The following ASIC4 variants were observed in gnomAD, a reference collection of about 807,000 sequenced individuals.
ASIC4 encodes acid-sensing ion channel 4.
A neutral mutation model predicts 53.4 loss-of-function variants in ASIC4; 28 were observed. That is an observed-to-expected ratio of 0.52 (90% CI 0.39 to 0.72). ASIC4 has a LOEUF of 0.72. Ranked by LOEUF, ASIC4 falls within the 30% of genes least tolerant of loss-of-function variation. The probability of loss-of-function intolerance (pLI) is 0.00; values close to 1 mark genes in which losing one functional copy is unlikely to be tolerated. For missense variants in ASIC4, 649 were observed against 729.7 expected (o/e 0.89, Z 1.27); for synonymous variants, 289 against 301.4 (o/e 0.96, Z 0.43).
At chr2:219,512,818 C>G (rs912164710), upstream of ASIC4, among the ~76,000 whole-genome samples, 1 of 152,256 alleles carries the variant, frequency 6.6e-6, no homozygotes, top group Non-Finnish European at 1.5e-5. Flanking sequence ...GCTGTGGGGT[C>G]CCTGGGGAAG....
At chr2:219,508,472 C>G in the ASIC4 span, among the ~76,000 whole-genome samples, 22 of 152,192 alleles carry the variant, frequency 1.4e-4, no homozygotes, top group African/African-American at 5.1e-4. Flanking sequence ...GGGGGTGCCG[C>G]TAGCAAAGCT....
At chr2:219,511,160 A>AG, upstream of ASIC4, among the ~76,000 whole-genome samples, 1 of 152,132 alleles carries the variant, frequency 6.6e-6, no homozygotes, top group Non-Finnish European at 1.5e-5. This position sits in a 1 kb window ranked among gnomAD's most constrained non-coding sequence, Gnocchi z 5.3. Flanking sequence ...CTAGGAGTTC[A>AG]GGGGGTCACA....
At chr2:219,510,759 G>T (rs760041226), upstream of ASIC4, among the ~76,000 whole-genome samples, 1 of 152,132 alleles carries the variant, frequency 6.6e-6, no homozygotes. The surrounding 1 kb of genome is among the most constrained non-coding windows in gnomAD (Gnocchi z 5.2). Flanking sequence ...GGTGCAAGGA[G>T]TACTGGCGGA....
chr2:219,527,266 AC>A (rs1465592744), intron 1 of ASIC4, among the ~76,000 whole-genome samples: 1 of 152,120 alleles, frequency 6.6e-6, no homozygotes. Flanking sequence ...GTCAGGACTG[AC>A]CCGGGCTGTG....
chr2:219,522,171 C>G (rs564144828), intron 1 of ASIC4, among the ~76,000 whole-genome samples: 2 of 152,088 alleles, frequency 1.3e-5, no homozygotes, highest in African/African-American at 4.8e-5. Context: ...GAGATAGGCA[C>G]GGGCTGCAGC....
At chr2:219,519,726 G>A (rs1012096606) in intron 1 of ASIC4, among the ~76,000 whole-genome samples, 4 of 152,238 alleles carry the variant, frequency 2.6e-5, no homozygotes, top group African/African-American at 9.6e-5. Context: ...GGACAGCGCA[G>A]CTCTGGATGG....
Position 219,515,136 on chromosome 2 carries a change from A to G in ASIC4, c.412A>G (p.Asn138Asp). ...LSDADIFHLA[N>D]LTGLPPKDRD... The stretch of plus-strand genomic sequence containing the variant: ...CGATGCCGACATCTTCCACCTGGCC[A>G]ATCTGACAGGGCTGCCCCCCAAAGA... The change falls in exon 1 of 10, where the codon AAT (asparagine) becomes GAT (aspartate). Residue 138 changes from asparagine to aspartate, a missense_variant. By Grantham distance (23) the Asn-to-Asp change is conservative. Coordinates refer to ENST00000358078, the MANE Select transcript of ASIC4 (RefSeq NM_018674.6). 1 of 1,614,118 alleles carries G rather than the reference A, an allele frequency of 6.2e-7. No homozygotes were observed. Among genetic ancestry groups the G allele is most frequent in the Non-Finnish European group, 8.5e-7 (1 of 1,180,016 alleles).
Position 219,537,665 on chromosome 2 carries a change from C to T in ASIC4, c.1435C>T (p.Arg479Cys), listed in dbSNP as rs147046818. 493 of 1,613,894 alleles carry T rather than the reference C, an allele frequency of 3.1e-4. 2 individuals carry two copies. In the African/African-American group the frequency reaches 6.1e-3, roughly 20 times the overall value. ...GGATCGACTGAAGCGGGTATGGAGG[C>T]GTCCCAAGACCCCCCTGCGGACCTC... ...SWDRLKRVWR[R>C]PKTPLRTSTG... Residue 479 changes from arginine (R) to cysteine (C), a missense_variant, in exon 9 of 10, where the codon CGT becomes TGT. Arg to Cys is a radical substitution (Grantham distance 180). Transcript: ENST00000358078. The surrounding 1 kb of genome is among the most constrained non-coding windows in gnomAD (Gnocchi z 4.9).
chr2:219,514,425 C>G, upstream of ASIC4: 3 of 1,549,592 alleles, frequency 1.9e-6, no homozygotes, highest in Non-Finnish European at 2.6e-6. Context: ...CGCAGGGACA[C>G]ACGCAGGGGC....
intron 1 of ASIC4, among the ~76,000 whole-genome samples, chr2:219,521,347 C>T (rs1167753727): frequency 6.6e-6 from 1 of 152,216 alleles, no homozygotes; most frequent in East Asian, 1.9e-4. Context: ...TGCTGATTAG[C>T]GTTTGAAGAA....
intron 1 of ASIC4, among the ~76,000 whole-genome samples, chr2:219,521,807 T>C (rs1479909539): frequency 6.6e-6 from 1 of 152,022 alleles, no homozygotes; most frequent in Non-Finnish European, 1.5e-5. Context: ...TTTGAGCAGC[T>C]GGGAAGAGGA....
rs1288400010 is a variant in ASIC4, at chr2:219,537,288, C to G, written c.1368C>G (p.Leu456=). The G allele has an allele frequency of 6.2e-7, 1 of 1,613,508 alleles. No homozygotes were observed. The highest frequency in any genetic ancestry group is 8.5e-7 in the Non-Finnish European group (1 of 1,179,858). Residue 456 remains leucine, a synonymous_variant, in exon 8 of 10, where the codon CTC becomes CTG. Coordinates refer to ENST00000358078, the MANE Select transcript of ASIC4 (RefSeq NM_018674.6). This position sits in a 1 kb window ranked among gnomAD's most constrained non-coding sequence, Gnocchi z 4.9. ...GCCTGTTCATTGGGGCCAGCATCCTCACGTTGCTGGAGATCCTCGACTACA... is the reference window on the plus strand; with the variant it reads ...GCCTGTTCATTGGGGCCAGCATCCTGACGTTGCTGGAGATCCTCGACTACA... The part of the protein sequence containing the change: ...QMGLFIGASI[L]TLLEILDYIY...
chr2:219,515,132 G>A lies in ASIC4; in HGVS notation c.408G>A (p.Leu136=), dbSNP rs147937668. ...TCAGCGATGCCGACATCTTCCACCT[G>A]GCCAATCTGACAGGGCTGCCCCCCA... is the stretch of plus-strand genomic sequence containing the variant. ...SALSDADIFH[L]ANLTGLPPKD... is the part of the protein sequence containing the mutation. Residue 136 remains leucine, a synonymous_variant, in exon 1 of 10, where the codon CTG becomes CTA. Coordinates refer to ENST00000358078, the MANE Select transcript of ASIC4 (RefSeq NM_018674.6). 6.2e-7 allele frequency: 1 copy of A among 1,614,142 alleles called. No individual in the cohort carries two copies. Among genetic ancestry groups the A allele is most frequent in the South Asian group, 1.1e-5 (1 of 91,084 alleles).
intron 1 of ASIC4, among the ~76,000 whole-genome samples, chr2:219,530,141 T>A (rs1407367210): frequency 1.3e-5 from 2 of 152,074 alleles, no homozygotes; most frequent in African/African-American, 4.8e-5. Flanking sequence ...GAGAGAGTGA[T>A]TGAGTGCGCC....
intron 1 of ASIC4, among the ~76,000 whole-genome samples, chr2:219,521,275 A>C (rs1694879925): frequency 6.6e-6 from 1 of 152,236 alleles, no homozygotes; most frequent in Admixed American, 6.5e-5. Flanking sequence ...CTCTTCATTA[A>C]TCAGGAATCA....
intron 4 of ASIC4, 199 bp from the exon 5 acceptor site, chr2:219,532,684 A>G: frequency 3.7e-6 from 3 of 820,450 alleles, no homozygotes; most frequent in South Asian, 3.6e-5. Flanking sequence ...GCCTGTGTGC[A>G]TGTTAATATG....
At chr2:219,533,783 A>C (rs564978594) in intron 5 of ASIC4, 1 of 152,080 alleles carries the variant, frequency 6.6e-6, no homozygotes, top group African/African-American at 2.4e-5. Context: ...GTGTAGACCC[A>C]GCACTTTGGG....
At chr2:219,534,110 C>A (rs1190468895) in intron 5 of ASIC4, 1 of 150,136 alleles carries the variant, frequency 6.7e-6, no homozygotes, top group African/African-American at 2.5e-5. Flanking sequence ...GGCAGGAATG[C>A]CAGGTGAGTC....
At position 219,537,770 on chromosome 2, in the gene ASIC4, G is replaced by T; in HGVS notation, c.1506+34G>T. 6.3e-7 allele frequency: 1 copy of T among 1,589,210 alleles called. No homozygotes were observed. The highest frequency in any genetic ancestry group is 8.6e-7 in the Non-Finnish European group (1 of 1,163,836). On this transcript the variant is annotated intron_variant, in intron 9 of 9. Transcript: ENST00000358078. The surrounding 1 kb of genome is among the most constrained non-coding windows in gnomAD (Gnocchi z 4.9). ...AAGCTCTAAATGCCTGCAGCATGCA[G>T]CCACACCTCCCCAGGACTGAATACA...
Sources: allele counts gnomAD v4.1 joint callset (sites outside exome capture counted in the v4.1 genomes callset), GRCh38; gene constraint gnomAD v4.1.1; non-coding constraint Gnocchi (gnomAD v3.1); transcripts MANE v1.5; gene names NCBI Gene and HGNC (gene_info 2026-07-23, HGNC 2026-07-21).